The following DGKB variants were observed in gnomAD, a reference collection of about 807,000 sequenced individuals.
The protein encoded by DGKB is 90 kDa diacylglycerol kinase.
Under a neutral mutation model 114.3 loss-of-function variants are expected in DGKB, and 67 were observed. The observed-to-expected ratio is 0.59, with a 90% CI of 0.48 to 0.72. DGKB has a LOEUF of 0.72. Among genes scored for constraint, DGKB ranks in the 30% least tolerant of loss-of-function variants. The probability of loss-of-function intolerance (pLI) is 0.00; values close to 1 mark genes in which losing one functional copy is unlikely to be tolerated. For missense variants in DGKB, 907 were observed against 975.2 expected (o/e 0.93, Z 0.93); for synonymous variants, 398 against 323.1 (o/e 1.23, Z -2.49).
intron 23 of DGKB, among the ~76,000 whole-genome samples, chr7:14,228,198 C>T (rs1416043854): frequency 6.6e-6 from 1 of 151,806 alleles, no homozygotes; most frequent in East Asian, 1.9e-4. Context: ...ACAACTGGTG[C>T]GTGTTAGGTT....
intron 20 of DGKB, among the ~76,000 whole-genome samples, chr7:14,510,993 T>TGTTTAC (rs1291146342): frequency 2.6e-5 from 4 of 152,228 alleles, no homozygotes; most frequent in Non-Finnish European, 5.9e-5. Context: ...AACGTGCTTC[T>TGTTTAC]ATTCTGGCTT....
At chr7:14,168,476 A>G (rs570584157) in intron 25 of DGKB, among the ~76,000 whole-genome samples, 6 of 152,368 alleles carry the variant, frequency 3.9e-5, no homozygotes, top group African/African-American at 1.4e-4. Context: ...AACTAAAACA[A>G]GATAGGCTCA....
intron 1 of DGKB, among the ~76,000 whole-genome samples, chr7:14,889,261 T>G (rs912884578): frequency 6.6e-6 from 1 of 151,644 alleles, no homozygotes; most frequent in Non-Finnish European, 1.5e-5. Context: ...TATCCAAAGT[T>G]CAGCTCTACC....
At chr7:14,430,107 C>T (rs78193899) in intron 21 of DGKB, among the ~76,000 whole-genome samples, 2 of 152,196 alleles carry the variant, frequency 1.3e-5, no homozygotes, top group East Asian at 3.9e-4. Flanking sequence ...TATTAAAGTA[C>T]ATAGTGTTTC....
chr7:14,922,879 T>C (rs1472839522), intron 1 of DGKB, among the ~76,000 whole-genome samples: 3 of 152,222 alleles, frequency 2.0e-5, no homozygotes, highest in Non-Finnish European at 4.4e-5. Context: ...GAAACATCTA[T>C]TCTTTCAGCA....
intron 1 of DGKB, among the ~76,000 whole-genome samples, chr7:14,974,500 AATAT>A (rs1350741586): frequency 2.6e-5 from 4 of 152,098 alleles, no homozygotes; most frequent in Non-Finnish European, 5.9e-5. Flanking sequence ...ATAATCTTCA[AATAT>A]ATCTCAAAAC....
chr7:14,862,026 A>G (rs1005843644), intron 1 of DGKB, among the ~76,000 whole-genome samples: 4 of 152,054 alleles, frequency 2.6e-5, no homozygotes, highest in Non-Finnish European at 5.9e-5. Context: ...AATACTTGAT[A>G]ATATCTGACT....
At position 14,146,448 on chromosome 7, in the gene DGKB, C is replaced by T. The variant is rs1284422460; in HGVS notation, c.*2683G>A. 1 of 152,152 alleles carries T rather than the reference C, an allele frequency of 6.6e-6. No individual in the cohort carries two copies. Among genetic ancestry groups the T allele is most frequent in the African/African-American group, 2.4e-5 (1 of 41,430 alleles). The allele number at this position is 152,152 out of a possible 1,614,324, so 9.4% of individuals were successfully genotyped here. A position where few individuals can be genotyped will look rare whatever the true frequency, so the allele number is the denominator to read the frequency against. Reference sequence around the variant, plus strand: ...TGTCTCCTATATTAAAAGAGGGCGACTCAATAGCTGAAAATTTATCTGCAC... The same window carrying T: ...TGTCTCCTATATTAAAAGAGGGCGATTCAATAGCTGAAAATTTATCTGCAC... On this transcript the variant is annotated 3_prime_UTR_variant, in exon 26 of 26. Transcript: ENST00000402815.
In DGKB at chr7:14,383,667, G is replaced by A. The variant is rs564789488; in HGVS notation, c.1836-38276C>T. 3.9e-5 allele frequency among the ~76,000 whole-genome samples: 6 copies of A among 152,300 alleles called. No individual in the cohort carries two copies. In the South Asian group the frequency reaches 1.2e-3, roughly 32 times the overall value. On this transcript the variant is annotated intron_variant, in intron 21 of 25. Coordinates refer to ENST00000402815, the MANE Select transcript of DGKB (RefSeq NM_001350709.2). ...AAGAAACTAAGGAGAGCAAAAGGAG[G>A]CTCCTTCCTAACTGAGTCAACTTTC...
intron 2 of DGKB, among the ~76,000 whole-genome samples, chr7:14,800,555 G>A (rs1336754525): frequency 1.3e-5 from 2 of 152,156 alleles, no homozygotes; most frequent in Admixed American, 6.5e-5. Context: ...ACTCAGGCTG[G>A]CTGTCCTTGC....
chr7:14,787,163 C>G (rs748736608), intron 2 of DGKB, among the ~76,000 whole-genome samples: 8 of 152,146 alleles, frequency 5.3e-5, no homozygotes, highest in African/African-American at 1.9e-4. Context: ...TTCCCAGATA[C>G]GGGCCAAGAA....
chr7:14,789,758 A>G (rs1303919398), intron 2 of DGKB, among the ~76,000 whole-genome samples: 1 of 152,174 alleles, frequency 6.6e-6, no homozygotes. Flanking sequence ...GGTCTCATAC[A>G]GGCTTTTATA....
At chr7:14,679,478 G>A (rs1384898123) in intron 12 of DGKB, among the ~76,000 whole-genome samples, 2 of 152,054 alleles carry the variant, frequency 1.3e-5, no homozygotes, top group African/African-American at 4.8e-5. Context: ...AGTTGCAACA[G>A]TCAAATCATT....
chr7:14,625,973 A>G (rs1009915336), intron 14 of DGKB, among the ~76,000 whole-genome samples: 2 of 152,168 alleles, frequency 1.3e-5, no homozygotes, highest in East Asian at 1.9e-4. Flanking sequence ...AATATATTGT[A>G]TTAGAATTCC....
intron 23 of DGKB, among the ~76,000 whole-genome samples, chr7:14,306,545 G>GT (rs146542158): frequency 0.095 from 14,403 of 151,950 alleles, 744 homozygotes; most frequent in East Asian, 0.15. Flanking sequence ...AGTCACTGAA[G>GT]TTTTTTTTCT....
rs993037402 is a variant in DGKB at position 14,340,042 on chromosome 7, T to C, written c.1927-1332A>G. 2.6e-5 allele frequency among the ~76,000 whole-genome samples: 4 copies of C among 151,614 alleles called. No homozygotes were observed. The Admixed American group carries it at 2.6e-4, about 10-fold the overall frequency. ...CTTGTTCACTGAAAAATAAAAACTG[T>C]GAAATAAAGAAACACATCTTGAGAC... On this transcript the variant is annotated intron_variant, in intron 22 of 25. Transcript: ENST00000402815.
chr7:14,177,006 T>C, intron 24 of DGKB, 107 bp from the exon 25 acceptor site: 1 of 1,305,736 alleles, frequency 7.7e-7, no homozygotes, highest in Non-Finnish European at 1.1e-6. Context: ...TGGTAATAGT[T>C]GGGCTCTAAA....
At chr7:14,581,756 A>T (rs771768308) in intron 18 of DGKB, among the ~76,000 whole-genome samples, 5 of 152,134 alleles carry the variant, frequency 3.3e-5, no homozygotes, top group Non-Finnish European at 7.4e-5. Context: ...TCACAATGAA[A>T]TAGCCGACAA....
intron 6 of DGKB, among the ~76,000 whole-genome samples, chr7:14,709,534 T>C (rs1271100456): frequency 7.9e-6 from 1 of 126,052 alleles, no homozygotes; most frequent in Non-Finnish European, 1.7e-5. Context: ...TATTGCGGCA[T>C]TATTCACAAT....
Sources: gnomAD v4.1 joint callset for allele counts (sites outside exome capture counted in the v4.1 genomes callset) on GRCh38, gnomAD v4.1.1 for gene constraint, MANE v1.5 for transcripts, NCBI Gene and HGNC (gene_info 2026-07-23, HGNC 2026-07-21) for gene names.